Variants in LRCH3 observed in about 807,000 individuals in gnomAD.
LRCH3 encodes leucine rich repeats and calponin homology domain containing 3, also known as DISP complex protein LRCH3.
Under a neutral mutation model 104.5 loss-of-function variants are expected in LRCH3, and 68 were observed. The ratio of observed to expected loss-of-function variants is 0.65; its 90% CI spans 0.54 to 0.80. The LOEUF (loss-of-function observed/expected upper bound fraction) is 0.80. Ranked by LOEUF, LRCH3 falls within the 30% of genes least tolerant of loss-of-function variation. LRCH3 has a pLI of 0.00. For synonymous variants in LRCH3, 344 were observed against 361.3 expected (o/e 0.95, Z 0.54); for missense variants, 951 against 953.9 (o/e 1.00, Z 0.04).
intron 20 of LRCH3, among the ~76,000 whole-genome samples, chr3:197,879,878 G>A (rs1474478382): frequency 6.7e-6 from 1 of 150,068 alleles, no homozygotes; most frequent in Non-Finnish European, 1.5e-5. Flanking sequence ...GAAAGAGGTT[G>A]CTTCACACAC....
chr3:197,868,278 G>C (rs1370014937), intron 17 of LRCH3, among the ~76,000 whole-genome samples: 1 of 152,086 alleles, frequency 6.6e-6, no homozygotes, highest in African/African-American at 2.4e-5. Flanking sequence ...TTGAAATACA[G>C]TATAGTAACA....
At position 197,813,270 on chromosome 3, in the gene LRCH3, A is replaced by G. The variant is rs533601139; in HGVS notation, c.263-1638A>G. The stretch of plus-strand genomic sequence containing the variant: ...CTCTTTTAATTATTTCAAAATGTAC[A>G]ATAAATGATCGTTGACTGTAGTCAT... On this transcript the variant is annotated intron_variant, in intron 1 of 20. Coordinates refer to ENST00000425562, the MANE Select transcript of LRCH3 (RefSeq NM_001365715.1). Among the ~76,000 whole-genome samples the G allele has an allele frequency of 6.6e-5, 10 of 151,582 alleles. No homozygotes were observed. The Admixed American group carries it at 6.6e-4, about 10-fold the overall frequency.
At chr3:197,846,335 T>G in intron 10 of LRCH3, among the ~76,000 whole-genome samples, 1 of 141,702 alleles carries the variant, frequency 7.1e-6, no homozygotes, top group Admixed American at 7.3e-5. Context: ...GGCCAGGAGG[T>G]CGAATCTGCA....
chr3:197,850,866 C>T (rs1007906576), intron 12 of LRCH3: 34 of 962,016 alleles, frequency 3.5e-5, no homozygotes, highest in Middle Eastern at 3.1e-4. Flanking sequence ...AGCAGTTCCA[C>T]GAGTGTTCTT....
chr3:197,883,922 T>A lies in LRCH3; in HGVS notation c.*256T>A. ...CTTACTGAAAACCCAGCACCTAACT[T>A]GGCTGTGTTTTCCTGGAGAGCAGGC... On this transcript the variant is annotated 3_prime_UTR_variant, in exon 21 of 21. Coordinates refer to ENST00000425562, the MANE Select transcript of LRCH3 (RefSeq NM_001365715.1). This position sits in a 1 kb window ranked among gnomAD's most constrained non-coding sequence, Gnocchi z 4.2. The A allele has an allele frequency of 2.7e-6, 1 of 373,734 alleles. No individual in the cohort carries two copies. Among genetic ancestry groups the A allele is most frequent in the Non-Finnish European group, 4.7e-6 (1 of 210,538 alleles). The allele number at this position is 373,734 out of a possible 1,614,324, so 23.2% of individuals were successfully genotyped here. A position where few individuals can be genotyped will look rare whatever the true frequency, so the allele number is the denominator to read the frequency against.
rs80181263 is a variant in LRCH3 at position 197,884,110 on chromosome 3, G to T, written c.*444G>T. On this transcript the variant is annotated 3_prime_UTR_variant, in exon 21 of 21. Transcript: ENST00000425562. ...AAAATACAGATTCACATTCAGTAGAGCTGGGGTAAGGCCTAGGAATCTGCA... is the reference window on the plus strand; with the variant it reads ...AAAATACAGATTCACATTCAGTAGATCTGGGGTAAGGCCTAGGAATCTGCA... 195 of 155,794 alleles carry T rather than the reference G, an allele frequency of 1.3e-3. No homozygotes were observed. The highest frequency in any genetic ancestry group is 4.6e-3 in the African/African-American group (192 of 41,646). The allele number at this position is 155,794 out of a possible 1,614,324, so 9.7% of individuals were successfully genotyped here. A position where few individuals can be genotyped will look rare whatever the true frequency, so the allele number is the denominator to read the frequency against.
chr3:197,798,833 T>G (rs113944399), intron 1 of LRCH3, among the ~76,000 whole-genome samples: 1,624 of 152,324 alleles, frequency 0.011, 38 homozygotes, highest in African/African-American at 0.037. Context: ...AAGTGGTTAT[T>G]AAAATAGAAA....
intron 1 of LRCH3, among the ~76,000 whole-genome samples, chr3:197,806,847 C>T (rs940121385): frequency 5.9e-5 from 9 of 151,334 alleles, no homozygotes; most frequent in South Asian, 2.1e-4. Flanking sequence ...CCACTGCATC[C>T]GGCTCCTGAG....
chr3:197,856,531 T>G lies in LRCH3; in HGVS notation c.1644+2086T>G, dbSNP rs980455667. Reference sequence around the variant, plus strand: ...CCTCTTGAGTAGCTGGGACTACGGGTGCATGCACCACACGTGGCTAATTTT... The same window carrying G: ...CCTCTTGAGTAGCTGGGACTACGGGGGCATGCACCACACGTGGCTAATTTT... On this transcript the variant is annotated intron_variant, in intron 14 of 20. Coordinates refer to ENST00000425562, the MANE Select transcript of LRCH3 (RefSeq NM_001365715.1). The surrounding 1 kb of genome is among the most constrained non-coding windows in gnomAD (Gnocchi z 4.2). Among the ~76,000 whole-genome samples, 6 of 151,856 alleles carry G rather than the reference T, an allele frequency of 4.0e-5. No individual in the cohort carries two copies. The highest frequency in any genetic ancestry group is 8.8e-5 in the Non-Finnish European group (6 of 67,936).
In LRCH3 at chr3:197,887,128, T is replaced by A. The variant is rs1305636526; in HGVS notation, c.*3462T>A. 3 of 152,220 alleles carry A rather than the reference T, an allele frequency of 2.0e-5. No homozygotes were observed. Among genetic ancestry groups the A allele is most frequent in the African/African-American group, 7.2e-5 (3 of 41,472 alleles). 9.4% of individuals were successfully genotyped at this position (152,220 alleles called of 1,614,324 possible). A position where few individuals can be genotyped will look rare whatever the true frequency, so the allele number is the denominator to read the frequency against. ...CTGCAGAGGTAGGAAGGTATGAATT[T>A]CTTTTTTATGTCAAGATGCAAAAAC... On this transcript the variant is annotated 3_prime_UTR_variant, in exon 21 of 21. Coordinates refer to ENST00000425562, the MANE Select transcript of LRCH3 (RefSeq NM_001365715.1).
At chr3:197,812,504 G>GTTGTTTTTTTTTTTTTT (rs1733251051) in intron 1 of LRCH3, among the ~76,000 whole-genome samples, 1 of 48,956 alleles carries the variant, frequency 2.0e-5, no homozygotes, top group Non-Finnish European at 3.5e-5. Flanking sequence ...TCTGCTTTCA[G>GTTGTTTTTTTTTTTTTT]TTTTTTTTTT....
At chr3:197,835,367 A>G (rs111879607) in intron 8 of LRCH3, among the ~76,000 whole-genome samples, 5,369 of 151,694 alleles carry the variant, frequency 0.035, 371 homozygotes, top group African/African-American at 0.12. Context: ...TATTTTTAGT[A>G]GAGACGGGAT....
chr3:197,829,828 G>T (rs994143045), intron 6 of LRCH3, among the ~76,000 whole-genome samples, 155 bp downstream of exon 6: 2 of 152,210 alleles, frequency 1.3e-5, no homozygotes, highest in African/African-American at 4.8e-5. Flanking sequence ...TGATTACCTA[G>T]ATCTGGCAAA....
At position 197,815,017 on chromosome 3, in the gene LRCH3, T is replaced by A. The variant is rs375010373; in HGVS notation, c.372T>A (p.Ile124=). The change falls in exon 2 of 21, where the codon ATT becomes ATA. Residue 124 remains isoleucine, a synonymous_variant. Transcript: ENST00000425562. ...QNCIRYIPEA[I]LNLQALTFLN... is the part of the protein sequence containing the mutation. ...GTATTCGTTATATTCCAGAGGCAAT[T>A]TTAAACCTACAAGCTCTAACATTCT... The A allele has an allele frequency of 6.5e-7, 1 of 1,546,962 alleles. No homozygotes were observed. Among genetic ancestry groups the A allele is most frequent in the Non-Finnish European group, 8.9e-7 (1 of 1,128,696 alleles).
chr3:197,798,265 A>AT (rs1553913164), intron 1 of LRCH3, among the ~76,000 whole-genome samples: 52 of 152,258 alleles, frequency 3.4e-4, no homozygotes, highest in African/African-American at 1.2e-3. Flanking sequence ...TGTCTCAAAA[A>AT]AAATAAATAA....
chr3:197,832,018 G>A (rs1157092641), intron 7 of LRCH3, among the ~76,000 whole-genome samples, 179 bp from the exon 8 acceptor site: 1 of 152,148 alleles, frequency 6.6e-6, no homozygotes, highest in African/African-American at 2.4e-5. Flanking sequence ...GGGCTGAAGC[G>A]ATCGTCTCGC....
intron 10 of LRCH3, among the ~76,000 whole-genome samples, chr3:197,840,198 G>T (rs1056731341): frequency 7.9e-5 from 12 of 152,084 alleles, no homozygotes; most frequent in African/African-American, 2.9e-4. Context: ...AGCACTTTGG[G>T]AGGCTGAGGC....
chr3:197,865,544 T>G, intron 16 of LRCH3, 73 bp downstream of exon 16: 1 of 1,012,102 alleles, frequency 9.9e-7, no homozygotes. Context: ...AAAATAATAA[T>G]AAATAGAGAC....
intron 10 of LRCH3, among the ~76,000 whole-genome samples, chr3:197,843,283 A>G (rs549487951): frequency 2.6e-5 from 4 of 152,150 alleles, no homozygotes; most frequent in African/African-American, 9.7e-5. Flanking sequence ...AGCTACTCAC[A>G]TTAATTATGT....
Sources: allele counts gnomAD v4.1 joint callset (sites outside exome capture counted in the v4.1 genomes callset), GRCh38; gene constraint gnomAD v4.1.1; non-coding constraint Gnocchi (gnomAD v3.1); transcripts MANE v1.5; gene names NCBI Gene and HGNC (gene_info 2026-07-23, HGNC 2026-07-21).